The following ROBO2 variants were observed in gnomAD, a reference collection of about 807,000 sequenced individuals.
The protein encoded by ROBO2 is roundabout homolog 2.
A neutral mutation model predicts 160.8 loss-of-function variants in ROBO2; 53 were observed. The ratio of observed to expected loss-of-function variants is 0.33; its 90% CI spans 0.26 to 0.41. The LOEUF is 0.41. Among genes scored for constraint, ROBO2 ranks in the 10% least tolerant of loss-of-function variants. The probability of loss-of-function intolerance (pLI) is 1.00; values close to 1 mark genes in which losing one functional copy is unlikely to be tolerated. For missense variants in ROBO2, 1,577 were observed against 1,722.4 expected (o/e 0.92, Z 1.49); for synonymous variants, 664 against 611.7 (o/e 1.09, Z -1.26).
At chr3:77,252,990 A>C (rs1295546372) in intron 2 of ROBO2, among the ~76,000 whole-genome samples, 1 of 151,342 alleles carries the variant, frequency 6.6e-6, no homozygotes, top group African/African-American at 2.4e-5. Context: ...AAAAATATGG[A>C]TGTCCCAAAG....
At chr3:76,069,918 TA>T (rs1420695297) in intron 2 of ROBO2, among the ~76,000 whole-genome samples, 1 of 152,240 alleles carries the variant, frequency 6.6e-6, no homozygotes, top group Non-Finnish European at 1.5e-5. Flanking sequence ...TGCCTGTCTT[TA>T]CTGCAATCTC....
intron 23 of ROBO2, chr3:77,629,658 T>C (rs1327811714): frequency 1.3e-5 from 2 of 152,198 alleles, no homozygotes; most frequent in African/African-American, 2.4e-5. Flanking sequence ...ATATATCACA[T>C]ATATGTATAC....
In ROBO2 at chr3:77,607,886, TC is replaced by T. The variant is rs745519558; in HGVS notation, c.3233del (p.Pro1078GlnfsTer95). ...CCACTTGGGCCAATGTCCCTCTACC[TC>T]CCCCCCCAGTCCAGCCCCTTCCTGG... On this transcript the variant is annotated frameshift_variant, in exon 21 of 26. Coordinates refer to ENST00000461745, the Ensembl canonical transcript of ROBO2. LOFTEE classifies it high-confidence loss of function. The T allele has an allele frequency of 6.8e-6, 11 of 1,607,626 alleles. No homozygotes were observed. Among genetic ancestry groups the T allele is most frequent in the African/African-American group, 2.7e-5 (2 of 73,520 alleles).
chr3:75,964,168 A>G (rs12485809), intron 2 of ROBO2, among the ~76,000 whole-genome samples: 21,193 of 151,612 alleles, frequency 0.14, 1,587 homozygotes, highest in Non-Finnish European at 0.15. Flanking sequence ...AACAGAAGTA[A>G]CATTTTAACG....
chr3:76,705,522 A>G (rs2093142304), intron 2 of ROBO2, among the ~76,000 whole-genome samples: 1 of 152,126 alleles, frequency 6.6e-6, no homozygotes, highest in Admixed American at 6.6e-5. Flanking sequence ...TGACAAGTAA[A>G]AAAGGCCATT....
At chr3:76,332,097 T>G (rs561509498) in intron 2 of ROBO2, among the ~76,000 whole-genome samples, 28 of 152,290 alleles carry the variant, frequency 1.8e-4, no homozygotes, top group Non-Finnish European at 3.1e-4. Flanking sequence ...ATAGGAATCA[T>G]AGATTGTATA....
chr3:76,714,317 T>C (rs2093346364), intron 2 of ROBO2, among the ~76,000 whole-genome samples: 1 of 152,162 alleles, frequency 6.6e-6, no homozygotes, highest in Admixed American at 6.6e-5. Context: ...TTAATTTTTC[T>C]AAGGGTGTGG....
At chr3:76,419,829 A>T (rs1452835041) in intron 2 of ROBO2, among the ~76,000 whole-genome samples, 1 of 152,198 alleles carries the variant, frequency 6.6e-6, no homozygotes, top group Non-Finnish European at 1.5e-5. Context: ...TATTCATAAT[A>T]AGTGTTCATT....
At chr3:77,425,172 A>C (rs1259972599) in intron 2 of ROBO2, among the ~76,000 whole-genome samples, 8 of 148,660 alleles carry the variant, frequency 5.4e-5, no homozygotes, top group Non-Finnish European at 1.2e-4. Context: ...GCAGTGTGCT[A>C]GTTGTCAGGG....
At chr3:76,119,291 G>C (rs1430280692) in intron 2 of ROBO2, among the ~76,000 whole-genome samples, 1 of 152,024 alleles carries the variant, frequency 6.6e-6, no homozygotes, top group East Asian at 1.9e-4. Context: ...ATAATGGTGT[G>C]TTTTCTGTTC....
intron 5 of ROBO2, among the ~76,000 whole-genome samples, chr3:77,511,607 A>AG (rs1396428833): frequency 6.6e-6 from 1 of 151,992 alleles, no homozygotes; most frequent in Non-Finnish European, 1.5e-5. Flanking sequence ...AGATTAGCAT[A>AG]GGGGTTTGCG....
intron 2 of ROBO2, among the ~76,000 whole-genome samples, chr3:76,281,491 G>A: frequency 6.6e-6 from 1 of 151,984 alleles, no homozygotes; most frequent in East Asian, 1.9e-4. Flanking sequence ...TGTTTGGACA[G>A]GAGACATCAT....
chr3:76,613,333 C>T (rs888540288), intron 2 of ROBO2, among the ~76,000 whole-genome samples: 1 of 152,034 alleles, frequency 6.6e-6, no homozygotes, highest in African/African-American at 2.4e-5. Context: ...GTGTCTGAAT[C>T]TCTCTGTCTC....
chr3:76,311,790 A>G (rs933256741), intron 2 of ROBO2, among the ~76,000 whole-genome samples: 4 of 152,168 alleles, frequency 2.6e-5, no homozygotes, highest in Non-Finnish European at 5.9e-5. Flanking sequence ...GATTTTGTGA[A>G]CTGATCAGAG....
chr3:76,218,583 A>G (rs1703728170), intron 2 of ROBO2, among the ~76,000 whole-genome samples: 1 of 152,188 alleles, frequency 6.6e-6, no homozygotes, highest in African/African-American at 2.4e-5. Context: ...AGAGAATAAA[A>G]TACCTAGGAA....
intron 2 of ROBO2, among the ~76,000 whole-genome samples, chr3:77,266,591 C>T (rs576213298): frequency 6.6e-6 from 1 of 152,178 alleles, no homozygotes; most frequent in East Asian, 1.9e-4. Flanking sequence ...CCTCCATCTT[C>T]CTTTCTTCTT....
At chr3:76,456,537 CTGTAT>C in intron 2 of ROBO2, among the ~76,000 whole-genome samples, 1 of 152,172 alleles carries the variant, frequency 6.6e-6, no homozygotes, top group Admixed American at 6.5e-5. Context: ...TTTCCGGAGA[CTGTAT>C]CTTTAAGACG....
chr3:76,587,198 CTTTA>C (rs1403715765), intron 2 of ROBO2, among the ~76,000 whole-genome samples: 2 of 152,018 alleles, frequency 1.3e-5, no homozygotes, highest in African/African-American at 2.4e-5. Flanking sequence ...AAACCATATT[CTTTA>C]TTTATTTATG....
intron 2 of ROBO2, among the ~76,000 whole-genome samples, chr3:76,032,483 T>C (rs2066957782): frequency 6.6e-6 from 1 of 152,216 alleles, no homozygotes; most frequent in Non-Finnish European, 1.5e-5. Flanking sequence ...TGCTTTCTCT[T>C]GTGGGCATTT....
Sources: allele counts gnomAD v4.1 joint callset (sites outside exome capture counted in the v4.1 genomes callset), GRCh38; gene constraint gnomAD v4.1.1; transcripts MANE v1.5; gene names NCBI Gene and HGNC (gene_info 2026-07-23, HGNC 2026-07-21).